Variants in C10orf90 observed in about 807,000 individuals in gnomAD.
C10orf90 encodes the protein (E2-independent) E3 ubiquitin-conjugating enzyme FATS.
In C10orf90, 56 loss-of-function variants were observed where a neutral mutation model predicts 62.5. The ratio of observed to expected loss-of-function variants is 0.90; its 90% CI spans 0.72 to 1.12. C10orf90 has a LOEUF of 1.12. C10orf90 is among the 50% of genes most tolerant of loss of function. The probability of loss-of-function intolerance (pLI) is 0.00; values close to 1 mark genes in which losing one functional copy is unlikely to be tolerated. For missense variants in C10orf90, 970 were observed against 880.4 expected (o/e 1.10, Z -1.29); for synonymous variants, 386 against 340.4 (o/e 1.13, Z -1.47).
chr10:126,481,902 AG>A lies in C10orf90; in HGVS notation c.1535-16917del, dbSNP rs1271291914. ...TCTTCTTCCCACCTTTCTGTGTAAA[AG>A]CTGACCATAAAGAAATTAAGACCCT... On this transcript the variant is annotated intron_variant, in intron 4 of 9. Transcript: ENST00000488181. 3.9e-5 allele frequency among the ~76,000 whole-genome samples: 6 copies of A among 152,334 alleles called. No individual in the cohort carries two copies. In the East Asian group the frequency reaches 1.2e-3, roughly 29 times the overall value.
At chr10:126,467,159 T>C (rs1416411901) in intron 4 of C10orf90, among the ~76,000 whole-genome samples, 1 of 152,228 alleles carries the variant, frequency 6.6e-6, no homozygotes, top group Non-Finnish European at 1.5e-5. Context: ...ATCTCTGGTT[T>C]ATTGTAAATT....
At chr10:126,625,337 T>C (rs1325981656) in intron 2 of C10orf90, among the ~76,000 whole-genome samples, 1 of 152,182 alleles carries the variant, frequency 6.6e-6, no homozygotes, top group Non-Finnish European at 1.5e-5. Context: ...ATATGTCCAT[T>C]AGCATAGTGA....
At chr10:126,470,225 T>C (rs911974771) in intron 4 of C10orf90, 4 of 378,456 alleles carry the variant, frequency 1.1e-5, no homozygotes, top group Non-Finnish European at 2.1e-5. Flanking sequence ...AAGGCATTCT[T>C]CTGCATGATG....
intron 2 of C10orf90, among the ~76,000 whole-genome samples, chr10:126,578,865 A>G (rs1844681535): frequency 6.6e-6 from 1 of 152,198 alleles, no homozygotes; most frequent in Non-Finnish European, 1.5e-5. Flanking sequence ...TTGACACAAA[A>G]TGCAAAAATA....
intron 2 of C10orf90, among the ~76,000 whole-genome samples, chr10:126,624,479 C>G (rs1273568891): frequency 6.6e-6 from 1 of 152,154 alleles, no homozygotes; most frequent in Non-Finnish European, 1.5e-5. Flanking sequence ...CTGCCTCTGG[C>G]TAACCTAAGC....
chr10:126,488,646 T>C (rs1002209526), intron 4 of C10orf90, among the ~76,000 whole-genome samples: 4 of 152,030 alleles, frequency 2.6e-5, no homozygotes, highest in African/African-American at 9.7e-5. Context: ...AAGACAAAAC[T>C]ATCATTATCA....
At chr10:126,428,119 A>G (rs958412644) in intron 8 of C10orf90, among the ~76,000 whole-genome samples, 3 of 152,222 alleles carry the variant, frequency 2.0e-5, no homozygotes, top group African/African-American at 7.2e-5. Context: ...TCACAGACAT[A>G]AAGTGAAAAG....
Position 126,500,232 on chromosome 10 carries a change from G to T in C10orf90, c.1534+3725C>A, listed in dbSNP as rs113779604. Among the ~76,000 whole-genome samples the T allele has an allele frequency of 9.3e-4, 141 of 152,288 alleles. 1 individual carries two copies. Among genetic ancestry groups the T allele is most frequent in the African/African-American group, 3.2e-3 (131 of 41,560 alleles). On this transcript the variant is annotated intron_variant, in intron 4 of 9. Transcript: ENST00000488181. ...CCTTCAGATACCACCTTTGGTAGTG[G>T]CAGAGGAGGTGGGGCCTGCCGTTGA...
intron 2 of C10orf90, among the ~76,000 whole-genome samples, chr10:126,598,108 G>A (rs1845122140): frequency 6.6e-6 from 1 of 152,092 alleles, no homozygotes; most frequent in African/African-American, 2.4e-5. Context: ...ATCAGAAAAG[G>A]AAGAAGGCTA....
chr10:126,612,510 C>T (rs1482314763), intron 2 of C10orf90, among the ~76,000 whole-genome samples: 7 of 152,188 alleles, frequency 4.6e-5, no homozygotes, highest in Non-Finnish European at 1.0e-4. Flanking sequence ...TGTCTCCAGA[C>T]CCCCTCCGCT....
intron 2 of C10orf90, among the ~76,000 whole-genome samples, chr10:126,565,092 T>TTATATAATATATAAAATATATATTA (rs1844313576): frequency 8.6e-5 from 1 of 11,592 alleles, no homozygotes; most frequent in Non-Finnish European, 1.8e-4. Context: ...AAAATATATA[T>TTATATAATATATAAAATATATATTA]TATATAATAT....
intron 2 of C10orf90, among the ~76,000 whole-genome samples, chr10:126,543,530 G>C (rs1407356783): frequency 6.6e-6 from 1 of 152,112 alleles, no homozygotes; most frequent in Non-Finnish European, 1.5e-5. Context: ...GGCAGCATAG[G>C]CACATGCTAA....
At chr10:126,466,371 A>AACAC (rs10573171) in intron 4 of C10orf90, among the ~76,000 whole-genome samples, 35 of 150,120 alleles carry the variant, frequency 2.3e-4, no homozygotes, top group African/African-American at 6.6e-4. Flanking sequence ...CACACACACA[A>AACAC]ACACACACAC....
chr10:126,537,448 A>G (rs11245023), intron 2 of C10orf90, among the ~76,000 whole-genome samples: 39,525 of 152,102 alleles, frequency 0.26, 6,824 homozygotes, highest in African/African-American at 0.5. Flanking sequence ...TGAAAACGGA[A>G]CATCTTTAAT....
intron 2 of C10orf90, among the ~76,000 whole-genome samples, chr10:126,613,345 C>T (rs1044066947): frequency 2.0e-5 from 3 of 152,128 alleles, no homozygotes; most frequent in African/African-American, 4.8e-5. Context: ...AGCAATCCTC[C>T]CCCACCTCAG....
intron 2 of C10orf90, among the ~76,000 whole-genome samples, chr10:126,591,041 A>T (rs1209942874): frequency 6.6e-6 from 1 of 152,168 alleles, no homozygotes; most frequent in Non-Finnish European, 1.5e-5. Flanking sequence ...CTGAAATTAA[A>T]GCAGTAATCA....
At chr10:126,534,952 C>G (rs556396475) in intron 2 of C10orf90, among the ~76,000 whole-genome samples, 1 of 152,270 alleles carries the variant, frequency 6.6e-6, no homozygotes, top group Non-Finnish European at 1.5e-5. Flanking sequence ...CCACCTCACT[C>G]CTTCAGGAGC....
chr10:126,461,618 G>C, intron 5 of C10orf90, 33 bp from the exon 6 acceptor site: 1 of 1,590,272 alleles, frequency 6.3e-7, no homozygotes, highest in Non-Finnish European at 8.5e-7. Context: ...CCATTTAGAG[G>C]GCACCAAGTG....
intron 2 of C10orf90, among the ~76,000 whole-genome samples, chr10:126,526,331 G>A (rs907665474): frequency 6.7e-6 from 1 of 149,318 alleles, no homozygotes; most frequent in Non-Finnish European, 1.5e-5. Context: ...TGCAAGCTCC[G>A]CCTCCCAGGC....
Sources: allele counts gnomAD v4.1 joint callset (sites outside exome capture counted in the v4.1 genomes callset), GRCh38; gene constraint gnomAD v4.1.1; transcripts MANE v1.5; gene names NCBI Gene and HGNC (gene_info 2026-07-23, HGNC 2026-07-21).